SDC2: variants seen among roughly 807,000 people sequenced by gnomAD.
The protein encoded by SDC2 is syndecan-2.
SDC2 carries 13 observed loss-of-function variants against 22.2 expected under a neutral mutation model. The ratio of observed to expected loss-of-function variants is 0.59; its 90% confidence interval spans 0.38 to 0.93. The LOEUF is 0.93. Ranked by LOEUF, SDC2 falls within the 40% of genes least tolerant of loss-of-function variation. The pLI, the probability that SDC2 is intolerant of heterozygous loss-of-function variation, is 0.00. For missense variants in SDC2, 235 were observed against 246.8 expected (o/e 0.95, Z 0.32); for synonymous variants, 94 against 92.8 (o/e 1.01, Z -0.07).
chr8:96,554,937 C>A (rs754796654), intron 1 of SDC2, among the ~76,000 whole-genome samples: 11 of 152,210 alleles, frequency 7.2e-5, no homozygotes, highest in Non-Finnish European at 1.6e-4. Flanking sequence ...GCAGAAGCTG[C>A]TCTTTCTGCC....
intron 1 of SDC2, among the ~76,000 whole-genome samples, chr8:96,520,289 C>A (rs1052020941): frequency 6.6e-6 from 1 of 152,148 alleles, no homozygotes; most frequent in African/African-American, 2.4e-5. Context: ...GGCCATCGAA[C>A]TGAAGTAGAG....
At chr8:96,569,133 G>A (rs563370856) in intron 1 of SDC2, among the ~76,000 whole-genome samples, 14 of 152,182 alleles carry the variant, frequency 9.2e-5, no homozygotes, top group African/African-American at 3.4e-4. Context: ...TCAGCCTCCC[G>A]AGTAGCTAGG....
At chr8:96,608,112 C>T (rs186591361) in intron 3 of SDC2, among the ~76,000 whole-genome samples, 4 of 152,268 alleles carry the variant, frequency 2.6e-5, no homozygotes, top group Admixed American at 1.3e-4. Context: ...ACTAGCTCTC[C>T]GACTTGCCTG....
intron 1 of SDC2, among the ~76,000 whole-genome samples, chr8:96,529,558 T>C (rs954950144): frequency 6.6e-6 from 1 of 152,348 alleles, no homozygotes; most frequent in East Asian, 1.9e-4. Flanking sequence ...TTTCACATTA[T>C]GGAAATATCC....
intron 1 of SDC2, among the ~76,000 whole-genome samples, chr8:96,553,998 C>T (rs1173145804): frequency 6.6e-6 from 1 of 152,050 alleles, no homozygotes; most frequent in African/African-American, 2.4e-5. Flanking sequence ...CCATGTTGCC[C>T]AGGCTAGTCT....
At chr8:96,596,118 A>G (rs1207536619) in intron 2 of SDC2, among the ~76,000 whole-genome samples, 1 of 152,214 alleles carries the variant, frequency 6.6e-6, no homozygotes, top group African/African-American at 2.4e-5. Context: ...GATGATTCCC[A>G]CGAGAAAACC....
At chr8:96,562,143 G>A (rs1382526724) in intron 1 of SDC2, among the ~76,000 whole-genome samples, 1 of 152,148 alleles carries the variant, frequency 6.6e-6, no homozygotes, top group East Asian at 1.9e-4. Context: ...ATGTAGGTCT[G>A]TGATCCATTT....
chr8:96,532,411 C>T (rs190406938), intron 1 of SDC2, among the ~76,000 whole-genome samples: 106 of 46,306 alleles, frequency 2.3e-3, no homozygotes, highest in African/African-American at 0.017. Flanking sequence ...CTTATTGAGG[C>T]GTTTTTTTTT....
At chr8:96,583,733 G>T (rs1384715121) in intron 1 of SDC2, among the ~76,000 whole-genome samples, 1 of 149,358 alleles carries the variant, frequency 6.7e-6, no homozygotes, top group Non-Finnish European at 1.5e-5. Flanking sequence ...ATATATATGA[G>T]AAATTGCAAT....
intron 1 of SDC2, among the ~76,000 whole-genome samples, chr8:96,515,790 C>A (rs773704281): frequency 6.6e-6 from 1 of 152,076 alleles, no homozygotes; most frequent in Non-Finnish European, 1.5e-5. Context: ...CTCCCAAAGG[C>A]GGATATTTTT....
chr8:96,520,870 T>C lies in SDC2; in HGVS notation c.60+26539T>C, dbSNP rs193013842. Reference sequence around the variant, plus strand: ...GGCTGTCTTCTAAACAAAGGACTTTTCCCCTGGACACCCAGGGGCAAAAGC... The same window carrying C: ...GGCTGTCTTCTAAACAAAGGACTTTCCCCCTGGACACCCAGGGGCAAAAGC... On this transcript the variant is annotated intron_variant, in intron 1 of 4. Transcript: ENST00000302190. Among the ~76,000 whole-genome samples, 839 of 152,168 alleles carry C rather than the reference T, an allele frequency of 5.5e-3. 4 individuals are homozygous for C. The highest frequency in any genetic ancestry group is 0.024 in the Middle Eastern group (7 of 294).
intron 1 of SDC2, among the ~76,000 whole-genome samples, chr8:96,572,406 A>G (rs574958768): frequency 6.6e-6 from 1 of 152,114 alleles, no homozygotes; most frequent in South Asian, 2.1e-4. Context: ...TTTGTGGAGG[A>G]GTTCTGTGCC....
chr8:96,539,433 T>C (rs1385915066), intron 1 of SDC2, among the ~76,000 whole-genome samples: 1 of 152,272 alleles, frequency 6.6e-6, no homozygotes, highest in Non-Finnish European at 1.5e-5. Flanking sequence ...TTTTATAATA[T>C]GTTGACTCAT....
At chr8:96,576,384 G>GTTTTTTTT (rs1236267155) in intron 1 of SDC2, among the ~76,000 whole-genome samples, 28 of 50,994 alleles carry the variant, frequency 5.5e-4, no homozygotes, top group Non-Finnish European at 9.0e-4. Flanking sequence ...GTTTTGTTTT[G>GTTTTTTTT]TTTTTTTTTA....
At chr8:96,501,374 G>A (rs1215319369) in intron 1 of SDC2, among the ~76,000 whole-genome samples, 1 of 123,500 alleles carries the variant, frequency 8.1e-6, no homozygotes, top group Non-Finnish European at 1.6e-5. Context: ...TGGCATAAAT[G>A]AGGCTCACTG....
chr8:96,556,368 T>C (rs1814113254), intron 1 of SDC2, among the ~76,000 whole-genome samples: 1 of 150,406 alleles, frequency 6.6e-6, no homozygotes, highest in Non-Finnish European at 1.5e-5. Flanking sequence ...TTGCCACATG[T>C]CTGGTCAGTT....
intron 2 of SDC2, among the ~76,000 whole-genome samples, chr8:96,596,900 A>G (rs1412694910): frequency 6.6e-6 from 1 of 152,208 alleles, no homozygotes; most frequent in Non-Finnish European, 1.5e-5. Context: ...AAAGCAACCC[A>G]GTTAACACAG....
chr8:96,528,431 TAAGA>T (rs767584963), intron 1 of SDC2, among the ~76,000 whole-genome samples: 35 of 152,308 alleles, frequency 2.3e-4, no homozygotes, highest in Middle Eastern at 3.4e-3. Flanking sequence ...CTCATAAAAT[TAAGA>T]AAGATTTAGA....
intron 1 of SDC2, among the ~76,000 whole-genome samples, chr8:96,577,793 A>G (rs1039386769): frequency 1.3e-5 from 2 of 152,016 alleles, no homozygotes; most frequent in African/African-American, 4.8e-5. Flanking sequence ...TTGTCTCTGT[A>G]GTTATGCCTT....
Sources: gnomAD v4.1 joint callset for allele counts (sites outside exome capture counted in the v4.1 genomes callset) on GRCh38, gnomAD v4.1.1 for gene constraint, MANE v1.5 for transcripts, NCBI Gene and HGNC (gene_info 2026-07-23, HGNC 2026-07-21) for gene names.